The following WDR7 variants were observed in gnomAD, a reference collection of about 807,000 sequenced individuals.
WDR7 encodes the protein WD repeat domain 7.
A neutral mutation model predicts 169.4 loss-of-function variants in WDR7; 46 were observed. The ratio of observed to expected loss-of-function variants is 0.27; its 90% CI spans 0.21 to 0.35. The LOEUF (loss-of-function observed/expected upper bound fraction) is 0.35, where lower values mean the gene tolerates loss of function less well. Ranked by LOEUF, WDR7 falls within the 10% of genes least tolerant of loss-of-function variation. The pLI is 1.00. For missense variants in WDR7, 1,534 were observed against 1,859.3 expected (o/e 0.83, Z 3.22); for synonymous variants, 612 against 666.8 (o/e 0.92, Z 1.27).
At chr18:56,795,326 T>C (rs2044564835) in intron 19 of WDR7, among the ~76,000 whole-genome samples, 1 of 152,162 alleles carries the variant, frequency 6.6e-6, no homozygotes, top group Non-Finnish European at 1.5e-5. Flanking sequence ...AGAATCTTGG[T>C]CCTTTTAGTG....
At chr18:56,951,786 ACT>A (rs1044934794) in intron 25 of WDR7, among the ~76,000 whole-genome samples, 1 of 151,830 alleles carries the variant, frequency 6.6e-6, no homozygotes, top group African/African-American at 2.4e-5. Context: ...AAGATTTAAG[ACT>A]CTAAGTGAAT....
At chr18:56,706,264 T>C (rs1490757544) in intron 12 of WDR7, among the ~76,000 whole-genome samples, 1 of 152,256 alleles carries the variant, frequency 6.6e-6, no homozygotes, top group Non-Finnish European at 1.5e-5. Context: ...GACTTTTGTA[T>C]GATGATTCTC....
chr18:56,700,639 G>A (rs1169971199), intron 12 of WDR7, among the ~76,000 whole-genome samples: 1 of 142,266 alleles, frequency 7.0e-6, no homozygotes, highest in African/African-American at 2.7e-5. Context: ...GCGCGATCTC[G>A]GCTCACTGCA....
chr18:56,902,204 C>G (rs2046412807), intron 21 of WDR7, among the ~76,000 whole-genome samples: 2 of 152,078 alleles, frequency 1.3e-5, no homozygotes, highest in Admixed American at 6.6e-5. Context: ...TAACACAAGT[C>G]CTAAAATATT....
At chr18:56,941,355 A>G (rs1228260868) in intron 25 of WDR7, among the ~76,000 whole-genome samples, 2 of 152,182 alleles carry the variant, frequency 1.3e-5, no homozygotes, top group East Asian at 3.8e-4. Flanking sequence ...AAATGGAAAG[A>G]GGGATTTTCC....
chr18:56,946,610 G>A (rs1487983158), intron 25 of WDR7, among the ~76,000 whole-genome samples: 1 of 151,970 alleles, frequency 6.6e-6, no homozygotes, highest in African/African-American at 2.4e-5. Flanking sequence ...CATACCTTCA[G>A]CTTTGTCTTT....
At chr18:56,683,973 T>A (rs1208440499) in intron 5 of WDR7, among the ~76,000 whole-genome samples, 1 of 151,960 alleles carries the variant, frequency 6.6e-6, no homozygotes, top group Non-Finnish European at 1.5e-5. Context: ...CAAATAACAG[T>A]TTAGAGTGCA....
intron 20 of WDR7, among the ~76,000 whole-genome samples, chr18:56,817,542 A>G (rs115293608): frequency 0.011 from 1,660 of 152,106 alleles, 31 homozygotes; most frequent in African/African-American, 0.038. Context: ...GAGTTGGGGA[A>G]CATCTGATTT....
intron 21 of WDR7, among the ~76,000 whole-genome samples, chr18:56,900,042 A>G (rs1599140972): frequency 6.8e-6 from 1 of 147,096 alleles, no homozygotes; most frequent in East Asian, 2.0e-4. Context: ...CTCTGAATTA[A>G]GCTCACTGGA....
chr18:56,871,188 A>G (rs1040183470), intron 20 of WDR7, among the ~76,000 whole-genome samples: 10 of 152,320 alleles, frequency 6.6e-5, no homozygotes, highest in African/African-American at 2.4e-4. Context: ...CTTAAGTCTG[A>G]AAGTTCGCTT....
chr18:56,691,647 G>GTCA (rs2025572778), intron 8 of WDR7, 68 bp from the exon 9 acceptor site: 4 of 1,351,344 alleles, frequency 3.0e-6, no homozygotes, highest in Non-Finnish European at 4.0e-6. Flanking sequence ...AACAAACCTT[G>GTCA]TCATATGGAA....
At chr18:56,684,876 A>G (rs1268306420) in intron 5 of WDR7, among the ~76,000 whole-genome samples, 1 of 152,242 alleles carries the variant, frequency 6.6e-6, no homozygotes, top group Non-Finnish European at 1.5e-5. Flanking sequence ...CCTAAGCATA[A>G]CAGTGAGAAT....
chr18:56,815,467 G>T (rs1366897578), intron 19 of WDR7, among the ~76,000 whole-genome samples: 1 of 152,160 alleles, frequency 6.6e-6, no homozygotes, highest in Non-Finnish European at 1.5e-5. Context: ...GAACTTCTTT[G>T]CCTGTCTGCT....
intron 20 of WDR7, among the ~76,000 whole-genome samples, chr18:56,865,059 A>C (rs2045863109): frequency 6.6e-6 from 1 of 152,024 alleles, no homozygotes; most frequent in Admixed American, 6.6e-5. Context: ...ATATGTATTA[A>C]TATTTTGCAG....
intron 25 of WDR7, among the ~76,000 whole-genome samples, chr18:56,961,518 G>T (rs1413043941): frequency 6.6e-6 from 1 of 152,064 alleles, no homozygotes; most frequent in African/African-American, 2.4e-5. Flanking sequence ...TAGATAATGG[G>T]AAGGTATATT....
chr18:56,707,619 T>C lies in WDR7; in HGVS notation c.1579-10345T>C, dbSNP rs954669240. Among the ~76,000 whole-genome samples the C allele has an allele frequency of 3.3e-5, 5 of 152,232 alleles. No homozygotes were observed. In the East Asian group the frequency reaches 9.7e-4, roughly 29 times the overall value. On this transcript the variant is annotated intron_variant, in intron 12 of 27. Coordinates refer to ENST00000254442, the MANE Select transcript of WDR7 (RefSeq NM_015285.3). ...AACTGGGTCATGTTTTTCTGGACAT[T>C]TGTGGGTAGATTACAGTGGGGTATT...
intron 21 of WDR7, among the ~76,000 whole-genome samples, chr18:56,882,731 T>C (rs2046126740): frequency 6.6e-6 from 1 of 152,208 alleles, no homozygotes; most frequent in South Asian, 2.1e-4. Flanking sequence ...CTTCTAAAAC[T>C]ACCTATTCCT....
At chr18:56,875,866 G>A (rs2046014832) in intron 20 of WDR7, among the ~76,000 whole-genome samples, 1 of 152,124 alleles carries the variant, frequency 6.6e-6, no homozygotes, top group South Asian at 2.1e-4. Context: ...GGAATGAACT[G>A]CCACCACCAC....
Position 56,688,882 on chromosome 18 carries a change from T to C in WDR7, c.717+1908T>C, listed in dbSNP as rs182642001. On this transcript the variant is annotated intron_variant, in intron 7 of 27. Transcript: ENST00000254442. ...AATTATGTGAGAACAGCTTTTTCTTTCTTAAAATGCATACATAAGAGTAAA... is the reference window on the plus strand; with the variant it reads ...AATTATGTGAGAACAGCTTTTTCTTCCTTAAAATGCATACATAAGAGTAAA... 7.2e-5 allele frequency among the ~76,000 whole-genome samples: 11 copies of C among 152,310 alleles called. 1 individual carries two copies. The East Asian group carries it at 2.1e-3, about 29-fold the overall frequency.
Sources: allele counts gnomAD v4.1 joint callset (sites outside exome capture counted in the v4.1 genomes callset), GRCh38; gene constraint gnomAD v4.1.1; transcripts MANE v1.5; gene names NCBI Gene and HGNC (gene_info 2026-07-23, HGNC 2026-07-21).